Variants in ALK observed in about 807,000 individuals in gnomAD.
ALK encodes ALK receptor tyrosine kinase, also known as ALK tyrosine kinase receptor.
A neutral mutation model predicts 163.1 loss-of-function variants in ALK; 74 were observed. The ratio of observed to expected loss-of-function variants is 0.45; its 90% CI spans 0.38 to 0.55. The LOEUF (loss-of-function observed/expected upper bound fraction) is 0.55, where lower values mean the gene tolerates loss of function less well. ALK is among the 20% of genes least tolerant of loss of function. The pLI is 0.00. For synonymous variants in ALK, 960 were observed against 843.2 expected (o/e 1.14, Z -2.40); for missense variants, 2,063 against 2,105.3 (o/e 0.98, Z 0.39).
chr2:29,571,706 T>C (rs947829254), intron 3 of ALK, among the ~76,000 whole-genome samples: 3 of 143,258 alleles, frequency 2.1e-5, no homozygotes, highest in African/African-American at 7.9e-5. Flanking sequence ...AACCTCCGTC[T>C]CCTGGGTTCA....
At chr2:29,829,089 C>G (rs1156514702) in intron 1 of ALK, among the ~76,000 whole-genome samples, 1 of 145,618 alleles carries the variant, frequency 6.9e-6, no homozygotes, top group Non-Finnish European at 1.5e-5. Flanking sequence ...ACCGCATGTT[C>G]TCACTCATAG....
intron 4 of ALK, among the ~76,000 whole-genome samples, chr2:29,525,353 C>T (rs1465964135): frequency 1.3e-5 from 2 of 152,170 alleles, no homozygotes; most frequent in African/African-American, 4.8e-5. Context: ...TATAAAGCTA[C>T]CCGCTTATGT....
intron 4 of ALK, among the ~76,000 whole-genome samples, chr2:29,432,236 G>C (rs1670289144): frequency 6.6e-6 from 1 of 152,106 alleles, no homozygotes; most frequent in African/African-American, 2.4e-5. Flanking sequence ...CATGAGGGTG[G>C]ATCCCTCATG....
intron 19 of ALK, chr2:29,224,797 T>C (rs1663897327): frequency 4.6e-6 from 1 of 217,076 alleles, no homozygotes; most frequent in Admixed American, 5.7e-5. Context: ...ACACAGTGTG[T>C]GCTGCCATCT....
intron 2 of ALK, among the ~76,000 whole-genome samples, chr2:29,698,026 C>A (rs1291075636): frequency 2.0e-5 from 3 of 152,214 alleles, no homozygotes; most frequent in African/African-American, 7.2e-5. Flanking sequence ...TATTGAGTGT[C>A]TTTCTGCTCC....
Position 29,223,444 on chromosome 2 carries a change from G to C in ALK, c.3257C>G (p.Ser1086Trp), listed in dbSNP as rs138589984. The C allele has an allele frequency of 6.2e-7, 1 of 1,614,182 alleles. No homozygotes were observed. The highest frequency in any genetic ancestry group is 1.1e-5 in the South Asian group (1 of 91,084). ...GGGGTTGTAGTCGGTCATGATGGTC[G>C]AGGTGCGGAGCTTGCTCAGCTTGTA... is the stretch of plus-strand genomic sequence containing the variant. ...PEYKLSKLRT[S>W]TIMTDYNPNY... is the part of the protein sequence containing the mutation. Residue 1086 changes from serine (S) to tryptophan (W), a missense_variant, in exon 20 of 29, where the codon TCG becomes TGG. By Grantham distance (177) the Ser-to-Trp change is radical. Transcript: ENST00000389048.
intron 12 of ALK, among the ~76,000 whole-genome samples, chr2:29,241,187 C>T (rs981155375): frequency 1.6e-4 from 25 of 152,070 alleles, no homozygotes; most frequent in Non-Finnish European, 2.9e-5. Context: ...GCTCCAGGCT[C>T]TTCAAGAGCT....
rs774033636 is a variant in ALK, at chr2:29,920,447, T to G, written c.213A>C (p.Leu71=). The G allele has an allele frequency of 1.2e-6, 2 of 1,610,476 alleles. No individual in the cohort carries two copies. The highest frequency in any genetic ancestry group is 2.2e-5 in the South Asian group (2 of 90,330). The change falls in exon 1 of 29, where the codon CTA becomes CTC. Residue 71 remains leucine, a synonymous_variant. Transcript: ENST00000389048. The stretch of plus-strand genomic sequence containing the variant: ...GCTCCGAGGAGGATGGTGGCAGCAG[T>G]AGGTCCCGGGCGTAGACACGGAAGA... ...PSLFRVYARD[L]LLPPSSSELK... is the part of the protein sequence containing the mutation.
intron 8 of ALK, among the ~76,000 whole-genome samples, chr2:29,300,922 G>A (rs957182091): frequency 5.3e-5 from 8 of 152,150 alleles, no homozygotes; most frequent in Admixed American, 1.3e-4. Flanking sequence ...GTTTGGAGGC[G>A]GCAGGAGAGG....
At chr2:29,823,359 G>A (rs1201928046) in intron 1 of ALK, among the ~76,000 whole-genome samples, 3 of 152,176 alleles carry the variant, frequency 2.0e-5, no homozygotes, top group Non-Finnish European at 4.4e-5. Flanking sequence ...GGGTGCTGCT[G>A]AAAAGATACA....
intron 3 of ALK, among the ~76,000 whole-genome samples, chr2:29,590,897 C>T (rs976123329): frequency 1.3e-5 from 2 of 151,464 alleles, no homozygotes; most frequent in Non-Finnish European, 2.9e-5. Flanking sequence ...CGGTGAAACC[C>T]CGTTTCTACT....
At chr2:29,396,188 A>C (rs1268362711) in intron 4 of ALK, among the ~76,000 whole-genome samples, 1 of 152,132 alleles carries the variant, frequency 6.6e-6, no homozygotes, top group East Asian at 1.9e-4. Context: ...CGTGCTGCTT[A>C]TACTCCATGG....
intron 1 of ALK, among the ~76,000 whole-genome samples, chr2:29,769,393 C>G (rs751429204): frequency 1.3e-5 from 2 of 152,064 alleles, no homozygotes; most frequent in Admixed American, 6.5e-5. Flanking sequence ...GGAAAGCTCA[C>G]GATTACAGCC....
Position 29,239,691 on chromosome 2 carries a change from C to A in ALK, c.2344G>T (p.Ala782Ser). 1 of 1,613,870 alleles carries A rather than the reference C, an allele frequency of 6.2e-7. No homozygotes were observed. Among genetic ancestry groups the A allele is most frequent in the South Asian group, 1.1e-5 (1 of 91,080 alleles). Residue 782 changes from alanine to serine, a missense_variant, in exon 13 of 29, where the codon GCC (alanine) becomes TCC (serine). Ala to Ser is a moderately conservative substitution (Grantham distance 99). Coordinates refer to ENST00000389048, the MANE Select transcript of ALK (RefSeq NM_004304.5). ...CTCTGGGCACTTACACTGGGGCAGG[C>A]GTCCTCTCCCTGCTGCCCAACCAGG... The part of the protein sequence containing the change: ...YILVGQQGED[A>S]CPSTNQLIQK...
chr2:29,826,837 G>A (rs530646405), intron 1 of ALK, among the ~76,000 whole-genome samples: 1 of 152,310 alleles, frequency 6.6e-6, no homozygotes, highest in East Asian at 1.9e-4. Context: ...AAAATTGGAG[G>A]GGCACTCAAA....
At chr2:29,276,005 C>A (rs1268261669) in intron 9 of ALK, among the ~76,000 whole-genome samples, 1 of 152,160 alleles carries the variant, frequency 6.6e-6, no homozygotes, top group Non-Finnish European at 1.5e-5. Flanking sequence ...TAAAATGCTT[C>A]TGTACCAGCC....
chr2:29,867,643 G>A (rs1037827647), intron 1 of ALK, among the ~76,000 whole-genome samples: 15 of 152,328 alleles, frequency 9.8e-5, no homozygotes, highest in African/African-American at 3.4e-4. Flanking sequence ...AGAGCCACAA[G>A]GTAATGCAGC....
rs553481193 is a variant in ALK, at chr2:29,748,586, C to T, written c.668-30889G>A. 4.6e-5 allele frequency among the ~76,000 whole-genome samples: 7 copies of T among 152,158 alleles called. No homozygotes were observed. The South Asian group carries it at 6.2e-4, about 14-fold the overall frequency. On this transcript the variant is annotated intron_variant, in intron 1 of 28. Coordinates refer to ENST00000389048, the MANE Select transcript of ALK (RefSeq NM_004304.5). ...TAAAATTCACTGGGTGAAAGAAGCCCGTGGGAAGCATGTTGAACAGACACA... is the reference window on the plus strand; with the variant it reads ...TAAAATTCACTGGGTGAAAGAAGCCTGTGGGAAGCATGTTGAACAGACACA...
At chr2:29,754,491 C>T (rs1239508028) in intron 1 of ALK, among the ~76,000 whole-genome samples, 1 of 152,118 alleles carries the variant, frequency 6.6e-6, no homozygotes, top group East Asian at 1.9e-4. Flanking sequence ...AAATATTCTA[C>T]AGCAGTGTTC....
Sources: gnomAD v4.1 joint callset for allele counts (sites outside exome capture counted in the v4.1 genomes callset) on GRCh38, gnomAD v4.1.1 for gene constraint, MANE v1.5 for transcripts, NCBI Gene and HGNC (gene_info 2026-07-23, HGNC 2026-07-21) for gene names.